MBP: variants seen among roughly 807,000 people sequenced by gnomAD.
MBP encodes Golli-MBP.
In MBP, 16 loss-of-function variants were observed where a neutral mutation model predicts 35.8. The ratio of observed to expected loss-of-function variants is 0.45; its 90% CI spans 0.30 to 0.68. The LOEUF (loss-of-function observed/expected upper bound fraction) is 0.68. Ranked by LOEUF, MBP falls within the 30% of genes least tolerant of loss-of-function variation. The probability of loss-of-function intolerance (pLI) is 0.08; values close to 1 mark genes in which losing one functional copy is unlikely to be tolerated. For synonymous variants in MBP, 143 were observed against 159.6 expected (o/e 0.90, Z 0.78); for missense variants, 380 against 404.7 (o/e 0.94, Z 0.52).
intron 2 of MBP, among the ~76,000 whole-genome samples, chr18:77,076,060 G>C (rs1291142782): frequency 1.3e-5 from 2 of 152,248 alleles, no homozygotes; most frequent in Admixed American, 1.3e-4. Context: ...GTGAGTGTGA[G>C]TTACGGAATG....
chr18:77,057,752 A>T, intron 3 of MBP, among the ~76,000 whole-genome samples: 1 of 152,172 alleles, frequency 6.6e-6, no homozygotes, highest in African/African-American at 2.4e-5. Flanking sequence ...ACAAATTTAA[A>T]CAAAGATGCA....
chr18:77,045,950 CTG>C (rs1462325534), intron 3 of MBP, among the ~76,000 whole-genome samples: 1 of 152,186 alleles, frequency 6.6e-6, no homozygotes, highest in Non-Finnish European at 1.5e-5. Flanking sequence ...AGCTACAAGA[CTG>C]TGGCCCAGCT....
chr18:76,984,710 G>C, intron 8 of MBP, 65 bp downstream of exon 8: 1 of 1,609,596 alleles, frequency 6.2e-7, no homozygotes, highest in Non-Finnish European at 8.5e-7. Context: ...CTTGTACTCA[G>C]CTTAGTTGGG....
intron 7 of MBP, chr18:76,985,783 A>G: frequency 1.0e-6 from 1 of 992,676 alleles, no homozygotes; most frequent in Non-Finnish European, 1.2e-6. Flanking sequence ...GGGCTGTGCG[A>G]GAACACAAGC....
intron 3 of MBP, among the ~76,000 whole-genome samples, chr18:77,047,799 T>C (rs1973317327): frequency 6.6e-6 from 1 of 152,224 alleles, no homozygotes; most frequent in Non-Finnish European, 1.5e-5. Context: ...GAACTAGAGA[T>C]ATATTTAATA....
At chr18:77,022,410 C>T (rs956926594) in intron 3 of MBP, among the ~76,000 whole-genome samples, 1 of 152,166 alleles carries the variant, frequency 6.6e-6, no homozygotes, top group Non-Finnish European at 1.5e-5. Context: ...CACCGTTCTT[C>T]CATGACCACT....
chr18:77,028,676 T>C (rs1972363591), intron 3 of MBP, among the ~76,000 whole-genome samples: 1 of 82,586 alleles, frequency 1.2e-5, no homozygotes, highest in Non-Finnish European at 3.1e-5. Flanking sequence ...GAGGGGCTCC[T>C]CACTTCCCAG....
chr18:76,983,238 T>C (rs1314709053), intron 8 of MBP: 2 of 152,390 alleles, frequency 1.3e-5, no homozygotes, highest in Non-Finnish European at 2.9e-5. Flanking sequence ...GTTTTCCAGA[T>C]GGGATGAATC....
chr18:77,121,038 G>A (rs1040747963), intron 1 of MBP, among the ~76,000 whole-genome samples: 4 of 152,174 alleles, frequency 2.6e-5, no homozygotes, highest in Non-Finnish European at 5.9e-5. Flanking sequence ...AGTGGCTCAC[G>A]CCTGTAATCC....
intron 3 of MBP, among the ~76,000 whole-genome samples, chr18:77,052,218 C>T (rs1202520650): frequency 6.6e-6 from 1 of 152,230 alleles, no homozygotes; most frequent in Non-Finnish European, 1.5e-5. Context: ...CAAATTCAGG[C>T]TGTGAGGTGA....
In MBP at chr18:77,010,407, A is replaced by G. The variant is rs116415132; in HGVS notation, c.576+6425T>C. 8.7e-3 allele frequency among the ~76,000 whole-genome samples: 1,330 copies of G among 152,256 alleles called. 21 individuals are homozygous for G. The highest frequency in any genetic ancestry group is 0.03 in the African/African-American group (1,264 of 41,552). ...ATTTTACATTCCACTTTACTTGCAG[A>G]GTTGTATTTTTTCTTTTATAGCAAG... On this transcript the variant is annotated intron_variant, in intron 4 of 8. Transcript: ENST00000355994.
Position 77,001,916 on chromosome 18 carries a change from G to C in MBP, c.577-11856C>G, listed in dbSNP as rs115392446. Among the ~76,000 whole-genome samples, 1,313 of 152,284 alleles carry C rather than the reference G, an allele frequency of 8.6e-3. 21 individuals are homozygous for C. Among genetic ancestry groups the C allele is most frequent in the African/African-American group, 0.031 (1,276 of 41,542 alleles). On this transcript the variant is annotated intron_variant, in intron 4 of 8. Transcript: ENST00000355994. The stretch of plus-strand genomic sequence containing the variant: ...TCATCTACACCCTCCCCTCATGATA[G>C]TGTTCTTACTGACACAGCCACGTGT...
chr18:77,034,051 CAAAAAAAAAA>C (rs398033591), intron 3 of MBP, among the ~76,000 whole-genome samples: 1 of 70,504 alleles, frequency 1.4e-5, no homozygotes, highest in African/African-American at 5.3e-5. Context: ...CCTAATGGGG[CAAAAAAAAAA>C]AAAAAAAAAA....
intron 3 of MBP, among the ~76,000 whole-genome samples, chr18:77,053,554 G>A (rs1219730700): frequency 1.4e-5 from 1 of 73,484 alleles, no homozygotes; most frequent in Non-Finnish European, 2.6e-5. Flanking sequence ...GCACACACGG[G>A]TACTCTTACA....
At chr18:77,015,903 A>G (rs1022559632) in intron 4 of MBP, 6 of 985,364 alleles carry the variant, frequency 6.1e-6, no homozygotes, top group Non-Finnish European at 1.2e-6. Context: ...TCAGCCCTGC[A>G]CACAGGCAGA....
intron 3 of MBP, among the ~76,000 whole-genome samples, chr18:77,062,692 C>T (rs966431504): frequency 1.3e-5 from 2 of 152,120 alleles, no homozygotes; most frequent in East Asian, 1.9e-4. Flanking sequence ...AGGAAGGCTG[C>T]GTGGTTTTAG....
intron 4 of MBP, chr18:77,016,506 A>G: frequency 8.4e-7 from 1 of 1,196,692 alleles, no homozygotes; most frequent in Non-Finnish European, 1.0e-6. Flanking sequence ...ACACACCACC[A>G]GAGACCCTGA....
In MBP at chr18:76,980,383, TA is replaced by T; in HGVS notation, c.*43del. On this transcript the variant is annotated 3_prime_UTR_variant, in exon 9 of 9. Coordinates refer to ENST00000355994, the MANE Select transcript of MBP (RefSeq NM_001025101.2). ...AGTGGGATTAAAGTTTTAAGGCAGT[TA>T]TATTAAGAAGCTGAGGACAGGATTC... 1.3e-6 allele frequency: 2 copies of T among 1,577,336 alleles called. No individual in the cohort carries two copies. The highest frequency in any genetic ancestry group is 1.7e-6 in the Non-Finnish European group (2 of 1,146,610).
At chr18:77,008,119 G>C (rs2123377917) in intron 4 of MBP, among the ~76,000 whole-genome samples, 1 of 152,256 alleles carries the variant, frequency 6.6e-6, no homozygotes, top group South Asian at 2.1e-4. Context: ...TAGGGGCCAA[G>C]CCGCTACCTG....
Sources: allele counts gnomAD v4.1 joint callset (sites outside exome capture counted in the v4.1 genomes callset), GRCh38; gene constraint gnomAD v4.1.1; transcripts MANE v1.5; gene names NCBI Gene and HGNC (gene_info 2026-07-23, HGNC 2026-07-21).